The following MRPS25 variants were observed in gnomAD, a reference collection of about 807,000 sequenced individuals.
MRPS25 encodes small ribosomal subunit protein mS25.
In MRPS25, 15 loss-of-function variants were observed where a neutral mutation model predicts 17.3. That is an observed-to-expected ratio of 0.87 (90% CI 0.58 to 1.34). The LOEUF (loss-of-function observed/expected upper bound fraction) is 1.34, where lower values mean the gene tolerates loss of function less well. MRPS25 is among the 40% of genes most tolerant of loss of function. The pLI, the probability that MRPS25 is intolerant of heterozygous loss-of-function variation, is 0.00. For synonymous variants in MRPS25, 94 were observed against 83.3 expected (o/e 1.13, Z -0.70); for missense variants, 225 against 218.6 (o/e 1.03, Z -0.19).
chr3:15,052,231 A>G lies in MRPS25; in HGVS notation c.*210T>C. The G allele has an allele frequency of 3.8e-6, 5 of 1,299,992 alleles. No individual in the cohort carries two copies. The highest frequency in any genetic ancestry group is 2.9e-5 in the East Asian group (1 of 34,860). The allele number at this position is 1,299,992 out of a possible 1,614,324, so 80.5% of individuals were successfully genotyped here. On this transcript the variant is annotated 3_prime_UTR_variant, in exon 4 of 4. Transcript: ENST00000253686. The stretch of plus-strand genomic sequence containing the variant: ...GCTGCTATTAGGAAGCGTTTTATTG[A>G]CCAGCAGAGCAGGGATATTCATTTA...
rs1287589154 is a variant in MRPS25 at position 15,049,308 on chromosome 3, TA to T, written c.*3132del. 1 of 152,758 alleles carries T rather than the reference TA, an allele frequency of 6.5e-6. No individual in the cohort carries two copies. The highest frequency in any genetic ancestry group is 1.5e-5 in the Non-Finnish European group (1 of 68,198). The allele number at this position is 152,758 out of a possible 1,614,324, so 9.5% of individuals were successfully genotyped here. ...TGCTCTTCATTTTTCTTCATGATAG[TA>T]GTAATGCCTGGCCCCCAAACAATGC... is the stretch of plus-strand genomic sequence containing the variant. On this transcript the variant is annotated 3_prime_UTR_variant, in exon 4 of 4. Transcript: ENST00000253686.
chr3:15,048,776 C>T lies in MRPS25; in HGVS notation c.*3665G>A, dbSNP rs1422633634. ...AACTAGTTTTATAACTGAAAAGCTG[C>T]ACATTTTTCACAGTACAAGCCGTAG... On this transcript the variant is annotated 3_prime_UTR_variant, in exon 4 of 4. Transcript: ENST00000253686. 1.3e-5 allele frequency: 2 copies of T among 152,610 alleles called. No homozygotes were observed. Among genetic ancestry groups the T allele is most frequent in the South Asian group, 2.1e-4 (1 of 4,834 alleles). 9.5% of individuals were successfully genotyped at this position (152,610 alleles called of 1,614,324 possible).
downstream of MRPS25, chr3:15,042,994 G>A (rs1559315010): frequency 3.1e-6 from 5 of 1,613,936 alleles, no homozygotes; most frequent in Admixed American, 1.7e-5. Flanking sequence ...CCAGATCACC[G>A]GAGCCAGTCT....
chr3:15,050,667 A>G lies in MRPS25; in HGVS notation c.*1774T>C. On this transcript the variant is annotated 3_prime_UTR_variant, in exon 4 of 4. Coordinates refer to ENST00000253686, the MANE Select transcript of MRPS25 (RefSeq NM_022497.5). ...CTTTTTCCACCCAGCCAAAATGCTG[A>G]TAGCAGAGAGACAAGATGCTAGATT... The G allele has an allele frequency of 1.0e-6, 1 of 985,444 alleles. No individual in the cohort carries two copies. The highest frequency in any genetic ancestry group is 1.7e-5 in the African/African-American group (1 of 57,344). The allele number at this position is 985,444 out of a possible 1,614,324, so 61.0% of individuals were successfully genotyped here. A position where few individuals can be genotyped will look rare whatever the true frequency, so the allele number is the denominator to read the frequency against.
chr3:15,043,009 C>T (rs533260662), downstream of MRPS25: 23 of 1,613,016 alleles, frequency 1.4e-5, no homozygotes, highest in Admixed American at 2.7e-4. Context: ...CAGTCTATAG[C>T]GCAAACCACA....
downstream of MRPS25, chr3:15,044,186 C>G (rs2042371025): frequency 6.6e-6 from 1 of 152,160 alleles, no homozygotes; most frequent in African/African-American, 2.4e-5. Flanking sequence ...CCTGGTAAAG[C>G]TGGATGGAAG....
rs556840024 is a variant in MRPS25, at chr3:15,050,595, G to A, written c.*1846C>T. ...AGGTCAAGACTTCAGTCAGTTGGGTGGGGAACTGAAACCAGCAGACATGGG... is the reference window on the plus strand; with the variant it reads ...AGGTCAAGACTTCAGTCAGTTGGGTAGGGAACTGAAACCAGCAGACATGGG... On this transcript the variant is annotated 3_prime_UTR_variant, in exon 4 of 4. Transcript: ENST00000253686. 1 of 985,330 alleles carries A rather than the reference G, an allele frequency of 1.0e-6. No homozygotes were observed. Among genetic ancestry groups the A allele is most frequent in the Non-Finnish European group, 1.2e-6 (1 of 829,964 alleles). 61.0% of individuals were successfully genotyped at this position (985,330 alleles called of 1,614,324 possible). A position where few individuals can be genotyped will look rare whatever the true frequency, so the allele number is the denominator to read the frequency against.
At chr3:15,064,073 C>T (rs2042820105) in intron 1 of MRPS25, among the ~76,000 whole-genome samples, 1 of 152,188 alleles carries the variant, frequency 6.6e-6, no homozygotes, top group South Asian at 2.1e-4. Flanking sequence ...CAGTGAAGGT[C>T]CGTCACCAAG....
rs181843967 is a variant in MRPS25, at chr3:15,061,629, G to A, written c.135-2154C>T. Among the ~76,000 whole-genome samples, 126 of 152,294 alleles carry A rather than the reference G, an allele frequency of 8.3e-4. 1 individual carries two copies. The East Asian group carries it at 0.02, about 24-fold the overall frequency. On this transcript the variant is annotated intron_variant, in intron 1 of 3. Transcript: ENST00000253686. ...AGTGTCCAGAGTGCAGCCTCTGCCC[G>A]GCCACCACCCCGTCTGGGAAGTGAG...
chr3:15,056,555 G>A lies in MRPS25; in HGVS notation c.241+2814C>T, dbSNP rs189286760. 1.7e-3 allele frequency among the ~76,000 whole-genome samples: 263 copies of A among 152,336 alleles called. 2 individuals are homozygous for A. The Middle Eastern group carries it at 0.034, about 20-fold the overall frequency. Reference sequence around the variant, plus strand: ...CACCTGACCAGGCTGTGGTCAGAGGGAGGTGGAAGGATGGAGGGACAGCCG... The same window carrying A: ...CACCTGACCAGGCTGTGGTCAGAGGAAGGTGGAAGGATGGAGGGACAGCCG... On this transcript the variant is annotated intron_variant, in intron 2 of 3. Coordinates refer to ENST00000253686, the MANE Select transcript of MRPS25 (RefSeq NM_022497.5).
Position 15,053,471 on chromosome 3 carries a change from G to A in MRPS25, c.242-4C>T. ...ACCAGGACCTGCTCCCCAGAATCTG[G>A]AAACGGAAAGCACGGGGCAGAAGAG... is the stretch of plus-strand genomic sequence containing the variant. On this transcript the variant is annotated splice_region_variant and splice_polypyrimidine_tract_variant and intron_variant, in intron 2 of 3. Coordinates refer to ENST00000253686, the MANE Select transcript of MRPS25 (RefSeq NM_022497.5). The A allele has an allele frequency of 1.2e-6, 2 of 1,614,158 alleles. No individual in the cohort carries two copies. The highest frequency in any genetic ancestry group is 1.7e-6 in the Non-Finnish European group (2 of 1,180,030).
downstream of MRPS25, chr3:15,042,369 C>G (rs1225951111): frequency 6.6e-6 from 1 of 152,650 alleles, no homozygotes; most frequent in Admixed American, 6.5e-5. Context: ...GCGTGGTGAA[C>G]ATTTTCCCAA....
chr3:15,043,848 T>C (rs141797055), downstream of MRPS25: 3 of 152,364 alleles, frequency 2.0e-5, no homozygotes, highest in East Asian at 5.8e-4. Context: ...TAGTCAGACA[T>C]TAACTGCCAA....
intron 1 of MRPS25, among the ~76,000 whole-genome samples, chr3:15,061,138 G>GATCTTAA (rs1205226565): frequency 6.6e-6 from 1 of 152,186 alleles, no homozygotes; most frequent in East Asian, 1.9e-4. Flanking sequence ...ATGCAACAGA[G>GATCTTAA]ATCTTAAAAT....
At chr3:15,060,356 A>G (rs1320983473) in intron 1 of MRPS25, among the ~76,000 whole-genome samples, 2 of 151,932 alleles carry the variant, frequency 1.3e-5, no homozygotes, top group Non-Finnish European at 2.9e-5. Flanking sequence ...CTATAAAAAA[A>G]TTAAAAATTA....
chr3:15,052,417 C>T lies in MRPS25; in HGVS notation c.*24G>A. 4 of 1,604,220 alleles carry T rather than the reference C, an allele frequency of 2.5e-6. No homozygotes were observed. Among genetic ancestry groups the T allele is most frequent in the Non-Finnish European group, 3.4e-6 (4 of 1,172,504 alleles). On this transcript the variant is annotated 3_prime_UTR_variant, in exon 4 of 4. Transcript: ENST00000253686. ...CTCCCCACTGGTCAGACACCATCAC[C>T]CCAGCCCACAGTGACCGTGGGCCTT...
chr3:15,063,901 T>G (rs1193240456), intron 1 of MRPS25, among the ~76,000 whole-genome samples: 1 of 151,772 alleles, frequency 6.6e-6, no homozygotes, highest in Non-Finnish European at 1.5e-5. Context: ...TGCAGTAGGT[T>G]ATGAAGGAGT....
Position 15,049,850 on chromosome 3 carries a change from G to A in MRPS25, c.*2591C>T, listed in dbSNP as rs1234162824. 8.2e-6 allele frequency: 11 copies of A among 1,334,692 alleles called. No individual in the cohort carries two copies. Among genetic ancestry groups the A allele is most frequent in the South Asian group, 7.6e-5 (6 of 79,152 alleles). 82.7% of individuals were successfully genotyped at this position (1,334,692 alleles called of 1,614,324 possible). On this transcript the variant is annotated 3_prime_UTR_variant, in exon 4 of 4. Coordinates refer to ENST00000253686, the MANE Select transcript of MRPS25 (RefSeq NM_022497.5). ...GCTCACTCCAGCCTCAACCTCCTGG[G>A]CTCAAGTGATCCTCCTGCCTCAGCC...
In MRPS25 at chr3:15,059,420, T is replaced by C. The variant is rs780264495; in HGVS notation, c.190A>G (p.Ile64Val). 6.2e-7 allele frequency: 1 copy of C among 1,613,840 alleles called. No individual in the cohort carries two copies. Among genetic ancestry groups the C allele is most frequent in the Admixed American group, 1.7e-5 (1 of 60,010 alleles). ...QIQYKNPWVQ[I>V]MMFKNMTPSP... Reference sequence around the variant, plus strand: ...GGCGTCATGTTCTTAAACATCATGATCTGCACCCAAGGGTTTTTGTATTGA... The same window carrying C: ...GGCGTCATGTTCTTAAACATCATGACCTGCACCCAAGGGTTTTTGTATTGA... Residue 64 changes from isoleucine (I) to valine (V), a missense_variant, in exon 2 of 4, where the codon ATC becomes GTC. By Grantham distance (29) the Ile-to-Val change is conservative (BLOSUM62 3). Transcript: ENST00000253686.
Sources: gnomAD v4.1 joint callset for allele counts (sites outside exome capture counted in the v4.1 genomes callset) on GRCh38, gnomAD v4.1.1 for gene constraint, MANE v1.5 for transcripts, NCBI Gene and HGNC (gene_info 2026-07-23, HGNC 2026-07-21) for gene names.